The following SEZ6L variants were observed in gnomAD, a reference collection of about 807,000 sequenced individuals.
SEZ6L encodes seizure related 6 homolog like, also known as seizure 6-like protein.
A neutral mutation model predicts 106.2 loss-of-function variants in SEZ6L; 37 were observed. The observed-to-expected ratio is 0.35, with a 90% CI of 0.27 to 0.46. The LOEUF (loss-of-function observed/expected upper bound fraction) is 0.46, where lower values mean the gene tolerates loss of function less well. Ranked by LOEUF, SEZ6L falls within the 20% of genes least tolerant of loss-of-function variation. The pLI, the probability that SEZ6L is intolerant of heterozygous loss-of-function variation, is 1.00. For synonymous variants in SEZ6L, 541 were observed against 570.4 expected (o/e 0.95, Z 0.73); for missense variants, 1,172 against 1,332.8 (o/e 0.88, Z 1.88).
intron 1 of SEZ6L, among the ~76,000 whole-genome samples, chr22:26,208,444 A>G (rs1445840945): frequency 1.3e-5 from 2 of 152,060 alleles, no homozygotes; most frequent in Non-Finnish European, 2.9e-5. Context: ...CTTGAAAGCT[A>G]TTTTACCTTG....
chr22:26,344,312 G>C (rs764914925), intron 10 of SEZ6L, among the ~76,000 whole-genome samples: 3 of 152,316 alleles, frequency 2.0e-5, no homozygotes, highest in Non-Finnish European at 4.4e-5. Context: ...TTTGCCCACT[G>C]TCTATGGCCA....
chr22:26,324,064 CCA>C (rs71311560), intron 9 of SEZ6L, among the ~76,000 whole-genome samples: 50,268 of 139,950 alleles, frequency 0.36, 9,045 homozygotes, highest in Non-Finnish European at 0.42. Context: ...CAGTTTTTAA[CCA>C]CACACACACA....
At chr22:26,254,059 G>T (rs751777607) in intron 1 of SEZ6L, 1 of 152,120 alleles carries the variant, frequency 6.6e-6, no homozygotes, top group Non-Finnish European at 1.5e-5. Context: ...TACCCTTGAG[G>T]GACCACATTA....
chr22:26,184,068 A>G (rs1015517727), intron 1 of SEZ6L, among the ~76,000 whole-genome samples: 2 of 152,140 alleles, frequency 1.3e-5, no homozygotes, highest in Non-Finnish European at 2.9e-5. Flanking sequence ...CTTGGTTTTT[A>G]TTTATCCTGA....
At chr22:26,248,180 C>T (rs2079431238) in intron 1 of SEZ6L, among the ~76,000 whole-genome samples, 2 of 152,228 alleles carry the variant, frequency 1.3e-5, no homozygotes, top group South Asian at 4.1e-4. Flanking sequence ...GTAGAAGTCA[C>T]ACCAAATATT....
chr22:26,289,584 C>T (rs965844121), intron 1 of SEZ6L, among the ~76,000 whole-genome samples: 2 of 152,210 alleles, frequency 1.3e-5, no homozygotes, highest in Non-Finnish European at 2.9e-5. Flanking sequence ...CTCATGCCAT[C>T]CACTCACGCT....
chr22:26,347,682 G>A, intron 10 of SEZ6L, 37 bp from the exon 11 acceptor site: 2 of 1,551,302 alleles, frequency 1.3e-6, no homozygotes, highest in Non-Finnish European at 1.7e-6. Context: ...CAACAAGACT[G>A]CTTCCCCCAT....
chr22:26,261,674 A>G lies in SEZ6L; in HGVS notation c.95-30732A>G, dbSNP rs559144300. Among the ~76,000 whole-genome samples, 5 of 152,372 alleles carry G rather than the reference A, an allele frequency of 3.3e-5. No homozygotes were observed. In the South Asian group the frequency reaches 6.2e-4, roughly 19 times the overall value. ...GTTACAAGAGAAATACACAGAGGAG[A>G]CAAGTAGTGTGTGCCTACTAAGCAT... On this transcript the variant is annotated intron_variant, in intron 1 of 16. Transcript: ENST00000248933.
chr22:26,234,481 T>C (rs1361939674), intron 1 of SEZ6L, among the ~76,000 whole-genome samples: 1 of 152,214 alleles, frequency 6.6e-6, no homozygotes, highest in Non-Finnish European at 1.5e-5. Context: ...TTATAGCTCA[T>C]TGGTTGACGT....
chr22:26,227,929 G>A (rs889816847), intron 1 of SEZ6L, among the ~76,000 whole-genome samples: 2 of 152,202 alleles, frequency 1.3e-5, no homozygotes, highest in Non-Finnish European at 2.9e-5. Context: ...GTAAAAACGT[G>A]CCAATGGCCA....
At chr22:26,207,764 T>C (rs1441875532) in intron 1 of SEZ6L, among the ~76,000 whole-genome samples, 1 of 152,214 alleles carries the variant, frequency 6.6e-6, no homozygotes, top group Non-Finnish European at 1.5e-5. Context: ...GTTACCACTT[T>C]ACATGAAATT....
At chr22:26,232,706 T>G (rs1247719195) in intron 1 of SEZ6L, among the ~76,000 whole-genome samples, 5 of 152,242 alleles carry the variant, frequency 3.3e-5, no homozygotes, top group African/African-American at 1.2e-4. Context: ...TGTAGTAGGC[T>G]GTCCCATCTA....
intron 1 of SEZ6L, among the ~76,000 whole-genome samples, chr22:26,268,641 C>T (rs1569432344): frequency 1.3e-5 from 2 of 152,214 alleles, no homozygotes; most frequent in Admixed American, 6.5e-5. Flanking sequence ...CATCTCCGCA[C>T]AACTGACATT....
intron 1 of SEZ6L, among the ~76,000 whole-genome samples, chr22:26,285,043 A>G (rs2080892034): frequency 6.6e-6 from 1 of 152,168 alleles, no homozygotes; most frequent in African/African-American, 2.4e-5. Flanking sequence ...TATTGTTAGC[A>G]TGGGCATACA....
chr22:26,281,668 G>C (rs573869508), intron 1 of SEZ6L, among the ~76,000 whole-genome samples: 1 of 152,070 alleles, frequency 6.6e-6, no homozygotes, highest in East Asian at 1.9e-4. Flanking sequence ...GTGAGCCACC[G>C]CACCTGGCCT....
intron 16 of SEZ6L, among the ~76,000 whole-genome samples, chr22:26,379,650 T>C (rs1413844199): frequency 6.6e-6 from 1 of 151,576 alleles, no homozygotes; most frequent in African/African-American, 2.4e-5. Context: ...CTACCCCCCA[T>C]GTTGTAGTCG....
chr22:26,341,566 C>A (rs1260772437), intron 10 of SEZ6L, among the ~76,000 whole-genome samples: 2 of 152,148 alleles, frequency 1.3e-5, no homozygotes, highest in East Asian at 3.9e-4. Flanking sequence ...ACAACCTTGA[C>A]CTTAAACTCC....
intron 7 of SEZ6L, among the ~76,000 whole-genome samples, chr22:26,311,192 A>C (rs655103): frequency 0.2 from 30,327 of 152,092 alleles, 3,493 homozygotes; most frequent in Non-Finnish European, 0.26. Flanking sequence ...ACCACCAGTG[A>C]ACAAGGGTGG....
At chr22:26,335,365 T>C (rs73158651) in intron 9 of SEZ6L, among the ~76,000 whole-genome samples, 19,189 of 152,168 alleles carry the variant, frequency 0.13, 1,344 homozygotes, top group Middle Eastern at 0.17. Flanking sequence ...AGTCTGAAAA[T>C]CTTATAACCC....
Sources: gnomAD v4.1 joint callset for allele counts (sites outside exome capture counted in the v4.1 genomes callset) on GRCh38, gnomAD v4.1.1 for gene constraint, MANE v1.5 for transcripts, NCBI Gene and HGNC (gene_info 2026-07-23, HGNC 2026-07-21) for gene names.